ASTN2: variants seen among roughly 807,000 people sequenced by gnomAD.
ASTN2 encodes the protein astrotactin 2.
A neutral mutation model predicts 139.8 loss-of-function variants in ASTN2; 54 were observed. The observed-to-expected ratio is 0.39, with a 90% CI of 0.31 to 0.48. The LOEUF (loss-of-function observed/expected upper bound fraction) is 0.48, where lower values mean the gene tolerates loss of function less well. Ranked by LOEUF, ASTN2 falls within the 20% of genes least tolerant of loss-of-function variation. The probability of loss-of-function intolerance (pLI) is 0.95; values close to 1 mark genes in which losing one functional copy is unlikely to be tolerated. For synonymous variants in ASTN2, 756 were observed against 719.5 expected (o/e 1.05, Z -0.81); for missense variants, 1,565 against 1,725.1 (o/e 0.91, Z 1.64).
intron 10 of ASTN2, among the ~76,000 whole-genome samples, chr9:116,954,343 C>A (rs550348065): frequency 3.3e-5 from 5 of 152,302 alleles, no homozygotes; most frequent in African/African-American, 9.6e-5. Context: ...AACTAAATCA[C>A]CTGGGGATCC....
chr9:117,164,132 T>A (rs527891489), intron 3 of ASTN2, among the ~76,000 whole-genome samples: 1 of 152,210 alleles, frequency 6.6e-6, no homozygotes, highest in African/African-American at 2.4e-5. Flanking sequence ...AAACATTACA[T>A]CCACTGGGTT....
chr9:116,427,587 C>T (rs1847348091), intron 22 of ASTN2, among the ~76,000 whole-genome samples: 1 of 152,208 alleles, frequency 6.6e-6, no homozygotes, highest in African/African-American at 2.4e-5. Context: ...CCCTCTGATA[C>T]CACAGGAGGG....
chr9:116,542,440 G>A (rs1377440259), intron 19 of ASTN2, among the ~76,000 whole-genome samples: 1 of 152,024 alleles, frequency 6.6e-6, no homozygotes, highest in Non-Finnish European at 1.5e-5. Context: ...AAGTTAATAT[G>A]TTTATTACTT....
intron 19 of ASTN2, among the ~76,000 whole-genome samples, chr9:116,559,478 GTCT>G (rs1222907845): frequency 6.7e-6 from 1 of 149,462 alleles, no homozygotes; most frequent in Admixed American, 6.7e-5. Context: ...ATGATCTATG[GTCT>G]TTTTTCTTTA....
intron 13 of ASTN2, among the ~76,000 whole-genome samples, chr9:116,749,230 G>A (rs570907758): frequency 1.3e-5 from 2 of 152,328 alleles, no homozygotes; most frequent in South Asian, 4.1e-4. Context: ...TATTGCTGCT[G>A]TAAAATGCAC....
intron 10 of ASTN2, among the ~76,000 whole-genome samples, chr9:116,957,348 T>C (rs1263698086): frequency 6.6e-6 from 1 of 152,246 alleles, no homozygotes; most frequent in Non-Finnish European, 1.5e-5. Context: ...CTTAAATACT[T>C]TGGGTCACAT....
chr9:117,184,767 GTTCCA>G (rs1479806729), intron 3 of ASTN2, among the ~76,000 whole-genome samples: 1 of 152,112 alleles, frequency 6.6e-6, no homozygotes, highest in Non-Finnish European at 1.5e-5. Flanking sequence ...ACACCCCACA[GTTCCA>G]CTGAAGAATG....
At position 116,698,595 on chromosome 9, in the gene ASTN2, C is replaced by A; in HGVS notation, c.2806+27176G>T. On this transcript the variant is annotated intron_variant, in intron 16 of 22. Transcript: ENST00000313400. The surrounding 1 kb of genome is among the most constrained non-coding windows in gnomAD (Gnocchi z 4.4). ...AGATGTGGAGCTCCTTAAGGTAGGT[C>A]ATGTTGGCCCCCTCCAAATTGGACA... 6.2e-7 allele frequency: 1 copy of A among 1,614,084 alleles called. No individual in the cohort carries two copies. The highest frequency in any genetic ancestry group is 1.1e-5 in the South Asian group (1 of 91,060).
chr9:117,198,218 C>T (rs1831575079), intron 3 of ASTN2, among the ~76,000 whole-genome samples: 2 of 151,858 alleles, frequency 1.3e-5, no homozygotes, highest in African/African-American at 2.4e-5. Context: ...TGAGTTAGTC[C>T]TCTCTCTGTG....
intron 13 of ASTN2, among the ~76,000 whole-genome samples, chr9:116,745,084 G>C (rs952980982): frequency 6.6e-6 from 1 of 152,132 alleles, no homozygotes; most frequent in Admixed American, 6.5e-5. Context: ...CATACCCATG[G>C]GTCCACTCTA....
Position 116,626,154 on chromosome 9 carries a change from GTTTTTTTTTTTT to G in ASTN2, c.3073-5723_3073-5712del, listed in dbSNP as rs751026997. The stretch of plus-strand genomic sequence containing the variant: ...ACCACCATGCCTGGTTAGTTTTTGT[GTTTTTTTTTTTT>G]TTTTTTTTTTTTTTTTTTTGGTAGA... On this transcript the variant is annotated intron_variant, in intron 17 of 22. Transcript: ENST00000313400. Among the ~76,000 whole-genome samples, 25 of 34,442 alleles carry G rather than the reference GTTTTTTTTTTTT, an allele frequency of 7.3e-4. 1 individual carries two copies. The South Asian group carries it at 9.8e-3, about 13-fold the overall frequency. The allele number at this position is 34,442 out of a possible 152,430, so 22.6% of individuals were successfully genotyped here. A position where few individuals can be genotyped will look rare whatever the true frequency, so the allele number is the denominator to read the frequency against.
intron 2 of ASTN2, among the ~76,000 whole-genome samples, chr9:117,223,583 G>A (rs765588230): frequency 2.6e-5 from 4 of 152,170 alleles, no homozygotes; most frequent in South Asian, 2.1e-4. Context: ...ATCTATCTAC[G>A]TCTTATTTTT....
chr9:117,257,366 A>T (rs1432820438), intron 2 of ASTN2, among the ~76,000 whole-genome samples: 1 of 152,216 alleles, frequency 6.6e-6, no homozygotes, highest in Non-Finnish European at 1.5e-5. Flanking sequence ...AGATGACACA[A>T]CTATGACCAA....
intron 3 of ASTN2, among the ~76,000 whole-genome samples, chr9:117,171,831 T>C (rs1830801982): frequency 6.6e-6 from 1 of 152,134 alleles, no homozygotes; most frequent in Non-Finnish European, 1.5e-5. Context: ...TACCGAGCCT[T>C]GGGCACTTTT....
At chr9:116,527,686 C>T (rs1247592129) in intron 19 of ASTN2, among the ~76,000 whole-genome samples, 2 of 152,148 alleles carry the variant, frequency 1.3e-5, no homozygotes, top group Non-Finnish European at 2.9e-5. Context: ...CCACACAAAT[C>T]TCATCTCAAA....
At chr9:117,207,144 C>T (rs1057075636) in intron 3 of ASTN2, among the ~76,000 whole-genome samples, 9 of 152,316 alleles carry the variant, frequency 5.9e-5, no homozygotes, top group Non-Finnish European at 1.0e-4. Flanking sequence ...CTGGTGGGCA[C>T]ACACCTGAGC....
chr9:117,215,966 C>G (rs1832306380), intron 2 of ASTN2, among the ~76,000 whole-genome samples: 1 of 152,124 alleles, frequency 6.6e-6, no homozygotes, highest in Non-Finnish European at 1.5e-5. Context: ...CTGAGCCTTA[C>G]TTTTTGTGTG....
intron 2 of ASTN2, among the ~76,000 whole-genome samples, chr9:117,232,883 T>A (rs1268532873): frequency 7.7e-6 from 1 of 129,556 alleles, no homozygotes; most frequent in Non-Finnish European, 1.6e-5. Context: ...TGCAACTAGG[T>A]ACAGATTTTT....
intron 20 of ASTN2, among the ~76,000 whole-genome samples, chr9:116,482,045 G>A (rs147330826): frequency 7.2e-5 from 11 of 152,216 alleles, no homozygotes; most frequent in African/African-American, 2.2e-4. Flanking sequence ...AACACTACCC[G>A]GCCGGGCACA....
Sources: allele counts gnomAD v4.1 joint callset (sites outside exome capture counted in the v4.1 genomes callset), GRCh38; gene constraint gnomAD v4.1.1; non-coding constraint Gnocchi (gnomAD v3.1); transcripts MANE v1.5; gene names NCBI Gene and HGNC (gene_info 2026-07-23, HGNC 2026-07-21).